The following TECR variants were observed in gnomAD, a reference collection of about 807,000 sequenced individuals.
TECR encodes very-long-chain enoyl-CoA reductase.
A neutral mutation model predicts 50.6 loss-of-function variants in TECR; 19 were observed. That is an observed-to-expected ratio of 0.38 (90% CI 0.26 to 0.55). TECR has a LOEUF of 0.55. Ranked by LOEUF, TECR falls within the 20% of genes least tolerant of loss-of-function variation. TECR has a pLI of 0.79. For missense variants in TECR, 313 were observed against 408.3 expected, an observed-to-expected ratio of 0.77 and a Z score of 2.01; for synonymous variants, 168 against 163.5, an observed-to-expected ratio of 1.03 and a Z score of -0.21.
rs187756468 is a variant in TECR at position 14,549,362 on chromosome 19, G to A, written c.16-13163G>A. Among the ~76,000 whole-genome samples, 81 of 151,966 alleles carry A rather than the reference G, an allele frequency of 5.3e-4. 1 individual carries two copies. In the East Asian group the frequency reaches 0.01, roughly 19 times the overall value. ...CAAGGAGCTGGGACTACAGGCATGC[G>A]CCACCATGCCCAGCTAACTTTTGTA... On this transcript the variant is annotated intron_variant, in intron 1 of 12. Transcript: ENST00000215567.
intron 1 of TECR, chr19:14,534,137 T>A (rs2072774505): frequency 6.6e-6 from 1 of 151,910 alleles, no homozygotes; most frequent in African/African-American, 2.4e-5. Context: ...TTTCTTTTTT[T>A]TTTTTTACAC....
intron 1 of TECR, among the ~76,000 whole-genome samples, chr19:14,551,327 G>A (rs1305613469): frequency 2.0e-5 from 3 of 152,022 alleles, no homozygotes; most frequent in African/African-American, 4.8e-5. Flanking sequence ...CACCCACCTC[G>A]GCCTCCCAGA....
chr19:14,529,792 T>C lies in TECR; in HGVS notation c.15+81T>C, dbSNP rs1480910607. The stretch of plus-strand genomic sequence containing the variant: ...CTTTGCGGGACCACGGGACCCCACT[T>C]TCTGGTCCTGTGCCCCGAAGGAAGA... On this transcript the variant is annotated intron_variant, in intron 1 of 12. Coordinates refer to ENST00000215567, the MANE Select transcript of TECR (RefSeq NM_138501.6). The C allele has an allele frequency of 1.9e-6, 3 of 1,596,886 alleles. No individual in the cohort carries two copies. The African/African-American group carries it at 4.0e-5, about 21-fold the overall frequency.
intron 12 of TECR, 21 bp from the exon 13 acceptor site, chr19:14,565,723 G>C: frequency 6.2e-7 from 1 of 1,612,276 alleles, no homozygotes; most frequent in Non-Finnish European, 8.5e-7. Flanking sequence ...GCCCCTCCCT[G>C]ACGCCCGTTC....
At chr19:14,537,968 A>G (rs950691728) in intron 1 of TECR, among the ~76,000 whole-genome samples, 2 of 150,590 alleles carry the variant, frequency 1.3e-5, no homozygotes, top group Non-Finnish European at 3.0e-5. Context: ...CTGGTCTGAA[A>G]CTCTTGACCT....
chr19:14,562,587 G>A lies in TECR; in HGVS notation c.66+12G>A. 1 of 1,614,172 alleles carries A rather than the reference G, an allele frequency of 6.2e-7. No individual in the cohort carries two copies. Among genetic ancestry groups the A allele is most frequent in the Non-Finnish European group, 8.5e-7 (1 of 1,180,020 alleles). ...GTTTCTTGGACAAGGTAGGACTGGG[G>A]CGTGGGCTGCACTGGGCCAAGGGCA... On this transcript the variant is annotated intron_variant, in intron 2 of 12. Coordinates refer to ENST00000215567, the MANE Select transcript of TECR (RefSeq NM_138501.6).
rs78523337 is a variant in TECR, at chr19:14,560,180, G to A, written c.16-2345G>A. 4.0e-3 allele frequency among the ~76,000 whole-genome samples: 613 copies of A among 152,320 alleles called. 7 individuals are homozygous for A. In the East Asian group the frequency reaches 0.042, roughly 10 times the overall value. ...GCAGCTAGCCGGGACCCCGATGGCCGTACTCTCCCTCTTGGGCCCTGGTTT... is the reference window on the plus strand; with the variant it reads ...GCAGCTAGCCGGGACCCCGATGGCCATACTCTCCCTCTTGGGCCCTGGTTT... On this transcript the variant is annotated intron_variant, in intron 1 of 12. Coordinates refer to ENST00000215567, the MANE Select transcript of TECR (RefSeq NM_138501.6).
intron 7 of TECR, 117 bp from the exon 8 acceptor site, chr19:14,564,669 C>T (rs1319895435): frequency 8.6e-7 from 1 of 1,163,274 alleles, no homozygotes; most frequent in Non-Finnish European, 1.3e-6. Context: ...CAGCCCCGCC[C>T]CAAGGCCCCT....
chr19:14,553,188 C>G (rs2073597966), intron 1 of TECR, among the ~76,000 whole-genome samples: 1 of 152,180 alleles, frequency 6.6e-6, no homozygotes, highest in East Asian at 1.9e-4. Context: ...TTGCTACCTG[C>G]TCGCTCGGGG....
chr19:14,551,946 C>CCT (rs71166756), intron 1 of TECR, among the ~76,000 whole-genome samples: 10,399 of 71,026 alleles, frequency 0.15, 848 homozygotes, highest in African/African-American at 0.17. Context: ...TCCCTCCCTC[C>CCT]CTCTCTCTCT....
Position 14,563,928 on chromosome 19 carries a change from C to T in TECR, c.267+25C>T, listed in dbSNP as rs1331061633. 3 of 1,613,902 alleles carry T rather than the reference C, an allele frequency of 1.9e-6. No homozygotes were observed. The highest frequency in any genetic ancestry group is 3.3e-5 in the Admixed American group (2 of 59,996). ...GGTGAGTCCTGACCCTACCCACGGC[C>T]TCTTTTCCCGTCAGCCACGTTGGGT... On this transcript the variant is annotated intron_variant, in intron 5 of 12. Transcript: ENST00000215567. The surrounding 1 kb of genome is among the most constrained non-coding windows in gnomAD (Gnocchi z 5.3).
intron 1 of TECR, among the ~76,000 whole-genome samples, chr19:14,546,570 T>C (rs1257802950): frequency 6.6e-6 from 1 of 152,202 alleles, no homozygotes; most frequent in Non-Finnish European, 1.5e-5. Flanking sequence ...ATTTATTTAT[T>C]ACAGAAACAG....
intron 1 of TECR, chr19:14,562,309 G>A (rs2073927492): frequency 3.1e-6 from 2 of 641,984 alleles, no homozygotes; most frequent in Non-Finnish European, 5.7e-6. Flanking sequence ...TTCCCGTGGG[G>A]AGGTCGGTGG....
At chr19:14,551,176 G>T (rs561571764) in intron 1 of TECR, among the ~76,000 whole-genome samples, 38 of 151,806 alleles carry the variant, frequency 2.5e-4, no homozygotes, top group Middle Eastern at 3.4e-3. Flanking sequence ...GGTTCATAAC[G>T]ATTCTCCTGC....
intron 1 of TECR, among the ~76,000 whole-genome samples, chr19:14,555,373 T>G (rs564716038): frequency 6.7e-5 from 10 of 150,098 alleles, no homozygotes; most frequent in Middle Eastern, 7.0e-3. Flanking sequence ...CTCAGCCTCC[T>G]GAGTAGCTGG....
At chr19:14,558,546 TG>T (rs1180390077) in intron 1 of TECR, among the ~76,000 whole-genome samples, 1 of 152,090 alleles carries the variant, frequency 6.6e-6, no homozygotes, top group Non-Finnish European at 1.5e-5. Context: ...CTCAGGCTAG[TG>T]GAACTGTCAT....
At chr19:14,551,410 A>G (rs1326027240) in intron 1 of TECR, among the ~76,000 whole-genome samples, 2 of 152,028 alleles carry the variant, frequency 1.3e-5, no homozygotes, top group Non-Finnish European at 2.9e-5. Context: ...GAGTTTTGAC[A>G]TGTTGCACAG....
chr19:14,564,768 T>TTTCA lies in TECR; in HGVS notation c.490-18_490-17insTTCA. 6.2e-7 allele frequency: 1 copy of TTTCA among 1,608,440 alleles called. No homozygotes were observed. ...CCGGTGCTGGCCCAAGTCCCATCCC[T>TTTCA]GCCCTGCTCCCTTTCAGAACTGCAC... is the stretch of plus-strand genomic sequence containing the variant. On this transcript the variant is annotated splice_polypyrimidine_tract_variant and intron_variant, in intron 7 of 12. Transcript: ENST00000215567.
In TECR at chr19:14,563,722, C is replaced by T. The variant is rs762532963; in HGVS notation, c.163+20C>T. 45 of 1,613,026 alleles carry T rather than the reference C, an allele frequency of 2.8e-5. No individual in the cohort carries two copies. The Admixed American group carries it at 2.8e-4, about 10-fold the overall frequency. On this transcript the variant is annotated intron_variant, in intron 4 of 12. Coordinates refer to ENST00000215567, the MANE Select transcript of TECR (RefSeq NM_138501.6). The surrounding 1 kb of genome is among the most constrained non-coding windows in gnomAD (Gnocchi z 5.3). The stretch of plus-strand genomic sequence containing the variant: ...ACCCCAGTGAGTACAGCTGTCCACT[C>T]GGCCCGCCCCCTGGGCTCCTGGGTG...
Sources: gnomAD v4.1 joint callset for allele counts (sites outside exome capture counted in the v4.1 genomes callset) on GRCh38, gnomAD v4.1.1 for gene constraint, Gnocchi (gnomAD v3.1) non-coding constraint, MANE v1.5 for transcripts, NCBI Gene and HGNC (gene_info 2026-07-23, HGNC 2026-07-21) for gene names.